The following MYL4 variants were observed in gnomAD, a reference collection of about 807,000 sequenced individuals.
MYL4 encodes myosin light chain 4.
MYL4 carries 16 observed loss-of-function variants against 21.6 expected under a neutral mutation model. The ratio of observed to expected loss-of-function variants is 0.74; its 90% CI spans 0.50 to 1.12. MYL4 has a LOEUF of 1.12. MYL4 is among the 50% of genes most tolerant of loss of function. MYL4 has a pLI of 0.00. For synonymous variants in MYL4, 82 were observed against 95.7 expected (o/e 0.86, Z 0.83); for missense variants, 249 against 252.9 (o/e 0.98, Z 0.11).
At chr17:47,210,664 C>T (rs1031095210) in intron 1 of MYL4, among the ~76,000 whole-genome samples, 2 of 152,100 alleles carry the variant, frequency 1.3e-5, no homozygotes, top group Non-Finnish European at 2.9e-5. Context: ...TCTGAGAATT[C>T]CTCTCATACC....
At chr17:47,222,305 G>C (rs186194669) in intron 4 of MYL4, 75 bp from the exon 5 acceptor site, 4 of 1,380,682 alleles carry the variant, frequency 2.9e-6, no homozygotes, top group Admixed American at 3.4e-5. Context: ...CACACTTAAG[G>C]GGGTACTTGG....
upstream of MYL4, among the ~76,000 whole-genome samples, chr17:47,199,863 G>A (rs1369979831): frequency 6.6e-6 from 1 of 151,038 alleles, no homozygotes; most frequent in Non-Finnish European, 1.5e-5. Flanking sequence ...AGCCTCTGGA[G>A]TAGCTGGGAC....
upstream of MYL4, among the ~76,000 whole-genome samples, chr17:47,199,752 T>TC (rs1277389379): frequency 6.7e-6 from 1 of 149,188 alleles, no homozygotes; most frequent in East Asian, 2.0e-4. Flanking sequence ...TTTTTTTTTT[T>TC]TTTTTGAGAC....
chr17:47,193,675 A>G, the MYL4 span, among the ~76,000 whole-genome samples: 2 of 146,898 alleles, frequency 1.4e-5, no homozygotes, highest in African/African-American at 5.4e-5. Flanking sequence ...CCCACCCTAC[A>G]CATTCTTCTT....
chr17:47,221,639 C>T, intron 3 of MYL4, 43 bp from the exon 4 acceptor site: 1 of 1,582,296 alleles, frequency 6.3e-7, no homozygotes, highest in South Asian at 1.2e-5. Context: ...CCTTGAGCAC[C>T]TGCTCACATT....
chr17:47,212,650 G>T (rs140535459), intron 1 of MYL4, among the ~76,000 whole-genome samples: 95 of 152,358 alleles, frequency 6.2e-4, no homozygotes, highest in African/African-American at 2.3e-3. Flanking sequence ...GACAAAGAAA[G>T]GCTGAGGTAA....
At chr17:47,213,930 T>C in intron 2 of MYL4, 104 bp downstream of exon 2, 1 of 1,309,630 alleles carries the variant, frequency 7.6e-7, no homozygotes, top group South Asian at 1.2e-5. Context: ...GTAATAGTAA[T>C]CACTGTCATC....
chr17:47,214,896 TC>T (rs1567747146), intron 2 of MYL4, among the ~76,000 whole-genome samples: 1 of 152,222 alleles, frequency 6.6e-6, no homozygotes, highest in Non-Finnish European at 1.5e-5. Context: ...TCTACCTCAT[TC>T]TTTTAAACAA....
chr17:47,198,803 G>C (rs1598646019), upstream of MYL4, among the ~76,000 whole-genome samples: 3 of 152,114 alleles, frequency 2.0e-5, no homozygotes, highest in Admixed American at 2.0e-4. Context: ...GCAACAAAGA[G>C]AGACCCTCAT....
chr17:47,189,465 C>A, the MYL4 span: 2 of 508,046 alleles, frequency 3.9e-6, no homozygotes, highest in Non-Finnish European at 7.2e-6. Context: ...CGAGTCTGAC[C>A]CAAAGCGTAG....
At position 47,219,974 on chromosome 17, in the gene MYL4, C is replaced by T. The variant is rs138710476; in HGVS notation, c.234C>T (p.Cys78=). Residue 78 remains cysteine, a synonymous_variant, in exon 3 of 7, where the codon TGC becomes TGT. Coordinates refer to ENST00000393450, the MANE Select transcript of MYL4 (RefSeq NM_002476.2). ...AGATGAAGATCACCTACGGCCAGTG[C>T]GGGGATGTACTGCGGGCCCTGGGCC... The part of the protein sequence containing the change: ...TGEMKITYGQ[C]GDVLRALGQN... 103 of 1,613,982 alleles carry T rather than the reference C, an allele frequency of 6.4e-5. No individual in the cohort carries two copies. The highest frequency in any genetic ancestry group is 7.5e-5 in the Non-Finnish European group (89 of 1,179,984).
chr17:47,213,661 C>A, intron 1 of MYL4, 138 bp from the exon 2 acceptor site: 2 of 835,120 alleles, frequency 2.4e-6, no homozygotes, highest in South Asian at 1.4e-5. Flanking sequence ...TAGCACAAGT[C>A]ACCTTCCCTG....
chr17:47,225,100 CCTAA>C (rs1304752246), downstream of MYL4, among the ~76,000 whole-genome samples: 4 of 152,188 alleles, frequency 2.6e-5, no homozygotes, highest in Non-Finnish European at 4.4e-5. Context: ...CTTTCTGTTG[CCTAA>C]CTATCAATCA....
chr17:47,219,788 T>C (rs911062901), intron 2 of MYL4, 116 bp from the exon 3 acceptor site: 51 of 1,286,624 alleles, frequency 4.0e-5, no homozygotes, highest in Admixed American at 2.9e-4. Flanking sequence ...AAGCGAAATA[T>C]TGGGATATTT....
chr17:47,217,786 C>A (rs2064825669), intron 2 of MYL4, among the ~76,000 whole-genome samples: 1 of 152,068 alleles, frequency 6.6e-6, no homozygotes, highest in Non-Finnish European at 1.5e-5. Flanking sequence ...GTAATCCCAG[C>A]ACTTTGGGAG....
At chr17:47,205,677 C>A (rs904619691), upstream of MYL4, among the ~76,000 whole-genome samples, 3 of 152,208 alleles carry the variant, frequency 2.0e-5, no homozygotes, top group Admixed American at 2.0e-4. Context: ...TGAGGAGCGT[C>A]TCCTCCCCTG....
chr17:47,227,320 C>T (rs1265941628), downstream of MYL4, among the ~76,000 whole-genome samples: 3 of 152,250 alleles, frequency 2.0e-5, no homozygotes, highest in Non-Finnish European at 4.4e-5. Flanking sequence ...AGGTTTGGCA[C>T]TTGCCCCTCC....
the MYL4 span, among the ~76,000 whole-genome samples, chr17:47,191,324 G>A: frequency 2.0e-5 from 3 of 152,178 alleles, no homozygotes; most frequent in Admixed American, 1.3e-4. Flanking sequence ...GATTGGGAAT[G>A]GAAAGAAAGG....
chr17:47,202,829 A>G (rs1351100369), intron 1 of MYL4, among the ~76,000 whole-genome samples: 1 of 152,254 alleles, frequency 6.6e-6, no homozygotes, highest in African/African-American at 2.4e-5. Flanking sequence ...TCTTCTGCAT[A>G]CTTACATTGA....
Sources: gnomAD v4.1 joint callset for allele counts (sites outside exome capture counted in the v4.1 genomes callset) on GRCh38, gnomAD v4.1.1 for gene constraint, MANE v1.5 for transcripts, NCBI Gene and HGNC (gene_info 2026-07-23, HGNC 2026-07-21) for gene names.